CFAP97D2: variants seen among roughly 807,000 people sequenced by gnomAD.
CFAP97D2 encodes the protein uncharacterized protein CFAP97D2.
intron 4 of CFAP97D2, chr13:114,215,595 G>A (rs1422860723): frequency 6.6e-6 from 1 of 152,130 alleles, no homozygotes; most frequent in Non-Finnish European, 1.5e-5. Context: ...TGTGTATTGT[G>A]CAAGTTAGAG....
chr13:114,184,203 C>T (rs1197228833), intron 1 of CFAP97D2, among the ~76,000 whole-genome samples: 5 of 151,980 alleles, frequency 3.3e-5, no homozygotes, highest in Admixed American at 6.6e-5. Context: ...GCAAAGAGAA[C>T]GAAGTCTGAA....
At chr13:114,215,256 A>G (rs1379288377) in intron 4 of CFAP97D2, among the ~76,000 whole-genome samples, 3 of 152,232 alleles carry the variant, frequency 2.0e-5, no homozygotes, top group Non-Finnish European at 2.9e-5. Flanking sequence ...TTGTCTGTTC[A>G]TAGCCTTTGA....
chr13:114,191,264 G>A (rs2080868395), intron 1 of CFAP97D2, among the ~76,000 whole-genome samples: 1 of 152,224 alleles, frequency 6.6e-6, no homozygotes, highest in Non-Finnish European at 1.5e-5. Context: ...AGAAATTATT[G>A]ACAAGCTGAA....
At chr13:114,208,985 T>C (rs2080954176) in intron 3 of CFAP97D2, among the ~76,000 whole-genome samples, 2 of 152,120 alleles carry the variant, frequency 1.3e-5, no homozygotes, top group Non-Finnish European at 2.9e-5. Flanking sequence ...CCCCTTTGGT[T>C]TTTGGATATA....
intron 1 of CFAP97D2, among the ~76,000 whole-genome samples, chr13:114,191,415 C>T (rs1037383894): frequency 2.0e-5 from 3 of 152,128 alleles, no homozygotes; most frequent in Admixed American, 6.5e-5. Context: ...ACTCTTAAAA[C>T]TCAACAATAA....
chr13:114,210,216 CT>C (rs2080960815), intron 3 of CFAP97D2, among the ~76,000 whole-genome samples: 1 of 152,162 alleles, frequency 6.6e-6, no homozygotes, highest in Admixed American at 6.5e-5. Context: ...CTTTTTACAT[CT>C]CATTGAAACT....
intron 2 of CFAP97D2, among the ~76,000 whole-genome samples, chr13:114,199,401 G>T (rs565730465): frequency 7.4e-5 from 5 of 68,004 alleles, no homozygotes; most frequent in East Asian, 6.4e-4. Context: ...CGTGGGTACG[G>T]TCCCCGCCGA....
rs2080825282 is a variant in CFAP97D2, at chr13:114,179,543, A to G, written c.90+123A>G. The G allele has an allele frequency of 2.5e-6, 1 of 396,230 alleles. No individual in the cohort carries two copies. The highest frequency in any genetic ancestry group is 3.6e-5 in the East Asian group (1 of 27,962). The allele number at this position is 396,230 out of a possible 1,614,324, so 24.5% of individuals were successfully genotyped here. ...TTTCTTTTTGGAGACAGCATGGTTGAAATGACATTTCCTAACAAGATTCAT... is the reference window on the plus strand; with the variant it reads ...TTTCTTTTTGGAGACAGCATGGTTGGAATGACATTTCCTAACAAGATTCAT... On this transcript the variant is annotated intron_variant, in intron 1 of 4. Coordinates refer to ENST00000646158, the Ensembl canonical transcript of CFAP97D2. This position sits in a 1 kb window ranked among gnomAD's most constrained non-coding sequence, Gnocchi z 4.8.
chr13:114,183,641 G>A (rs746607394), intron 1 of CFAP97D2, among the ~76,000 whole-genome samples: 2 of 152,118 alleles, frequency 1.3e-5, no homozygotes, highest in Admixed American at 1.3e-4. Context: ...ATGAATGGCT[G>A]TGTCTTTACA....
At chr13:114,216,546 T>G (rs1174729668) in intron 4 of CFAP97D2, among the ~76,000 whole-genome samples, 1 of 152,180 alleles carries the variant, frequency 6.6e-6, no homozygotes, top group Admixed American at 6.5e-5. Flanking sequence ...CGGTGTTTGG[T>G]TTTTTGACCT....
At chr13:114,222,750 A>G (rs2081026787), downstream of CFAP97D2, 1 of 385,948 alleles carries the variant, frequency 2.6e-6, no homozygotes, top group Non-Finnish European at 4.6e-6. The surrounding 1 kb of genome is among the most constrained non-coding windows in gnomAD (Gnocchi z 4.4). Context: ...CTTCACTGTT[A>G]TCACAGCCGG....
At chr13:114,184,236 G>A (rs1478511697) in intron 1 of CFAP97D2, among the ~76,000 whole-genome samples, 1 of 152,122 alleles carries the variant, frequency 6.6e-6, no homozygotes, top group Non-Finnish European at 1.5e-5. Context: ...GGCTATCCAA[G>A]GACTGTGGGA....
Position 114,185,597 on chromosome 13 carries a change from G to A in CFAP97D2, c.90+6177G>A, listed in dbSNP as rs183189971. Reference sequence around the variant, plus strand: ...GCCCAGGAAGGCCCCCTGTCTCCCCGCAGGCTCAGAAGTGCCTGCTCCCAC... The same window carrying A: ...GCCCAGGAAGGCCCCCTGTCTCCCCACAGGCTCAGAAGTGCCTGCTCCCAC... On this transcript the variant is annotated intron_variant, in intron 1 of 4. Coordinates refer to ENST00000646158, the Ensembl canonical transcript of CFAP97D2. The surrounding 1 kb of genome is among the most constrained non-coding windows in gnomAD (Gnocchi z 5.2). Among the ~76,000 whole-genome samples, 70 of 152,292 alleles carry A rather than the reference G, an allele frequency of 4.6e-4. No homozygotes were observed. Among genetic ancestry groups the A allele is most frequent in the East Asian group, 9.7e-4 (5 of 5,176 alleles).
intron 1 of CFAP97D2, among the ~76,000 whole-genome samples, chr13:114,196,008 G>A (rs9590475): frequency 0.44 from 65,869 of 149,348 alleles, 15,423 homozygotes; most frequent in African/African-American, 0.6. Context: ...GCATGAACCC[G>A]GCAGACGGAG....
intron 4 of CFAP97D2, among the ~76,000 whole-genome samples, chr13:114,213,133 C>A (rs73575123): frequency 6.6e-6 from 1 of 152,150 alleles, no homozygotes; most frequent in African/African-American, 2.4e-5. Context: ...TTCCATCACT[C>A]GCTTTACCTG....
chr13:114,191,339 T>C (rs1239510817), intron 1 of CFAP97D2, among the ~76,000 whole-genome samples: 4 of 152,194 alleles, frequency 2.6e-5, no homozygotes, highest in African/African-American at 7.2e-5. Context: ...GAGACATCTA[T>C]AGACTGGGAG....
intron 4 of CFAP97D2, among the ~76,000 whole-genome samples, chr13:114,212,992 C>G (rs2080974922): frequency 6.6e-6 from 1 of 152,204 alleles, no homozygotes; most frequent in African/African-American, 2.4e-5. Context: ...AAGTTCTAAA[C>G]TCTCTTCATT....
At chr13:114,208,727 T>G (rs1274919098) in intron 3 of CFAP97D2, among the ~76,000 whole-genome samples, 2 of 152,252 alleles carry the variant, frequency 1.3e-5, no homozygotes, top group Non-Finnish European at 2.9e-5. Flanking sequence ...CATGGATGCC[T>G]GAATTCTATC....
At chr13:114,191,298 G>A (rs12100034) in intron 1 of CFAP97D2, among the ~76,000 whole-genome samples, 52,287 of 151,922 alleles carry the variant, frequency 0.34, 9,187 homozygotes, top group African/African-American at 0.38. Flanking sequence ...AAAAGCTTCT[G>A]CTCTGTGAAA....
Sources: gnomAD v4.1 joint callset for allele counts (sites outside exome capture counted in the v4.1 genomes callset) on GRCh38, gnomAD v4.1.1 for gene constraint, Gnocchi (gnomAD v3.1) non-coding constraint, MANE v1.5 for transcripts, NCBI Gene and HGNC (gene_info 2026-07-23, HGNC 2026-07-21) for gene names.